Variants in HMCN1 observed in about 807,000 individuals in gnomAD.
HMCN1 encodes hemicentin-1.
HMCN1 carries 321 observed loss-of-function variants against 625.9 expected under a neutral mutation model. That is an observed-to-expected ratio of 0.51 (90% CI 0.47 to 0.56). HMCN1 has a LOEUF of 0.56. HMCN1 is among the 20% of genes least tolerant of loss of function. The pLI, the probability that HMCN1 is intolerant of heterozygous loss-of-function variation, is 0.00. For missense variants in HMCN1, 6,588 were observed against 6,887.3 expected (o/e 0.96, Z 1.54); for synonymous variants, 2,425 against 2,417.6 (o/e 1.00, Z -0.09).
chr1:185,977,640 AAG>A, intron 15 of HMCN1, 145 bp from the exon 16 acceptor site: 1 of 651,506 alleles, frequency 1.5e-6, no homozygotes, highest in Non-Finnish European at 2.7e-6. Flanking sequence ...GTTTTTACCT[AAG>A]AGAGGAATAT....
intron 1 of HMCN1, among the ~76,000 whole-genome samples, chr1:185,753,102 AT>A (rs1557942430): frequency 6.6e-6 from 1 of 152,084 alleles, no homozygotes; most frequent in African/African-American, 2.4e-5. Flanking sequence ...CATAAATAGT[AT>A]TTGATATAAT....
At chr1:186,148,335 A>G (rs1325844012) in intron 93 of HMCN1, among the ~76,000 whole-genome samples, 1 of 152,162 alleles carries the variant, frequency 6.6e-6, no homozygotes, top group African/African-American at 2.4e-5. Context: ...AAAGTCATCT[A>G]TGATGGGGGG....
intron 67 of HMCN1, 68 bp from the exon 68 acceptor site, chr1:186,095,175 G>GT (rs1429557602): frequency 6.9e-7 from 1 of 1,449,174 alleles, no homozygotes; most frequent in Non-Finnish European, 9.7e-7. Context: ...TTATTCAAAT[G>GT]TTTTAATTTA....
At chr1:186,186,992 T>TCACACACACACACACA (rs200279097) in intron 105 of HMCN1, among the ~76,000 whole-genome samples, 15 of 95,426 alleles carry the variant, frequency 1.6e-4, no homozygotes, top group African/African-American at 6.2e-4. Context: ...TCTGTCTCTG[T>TCACACACACACACACA]CTCACACACA....
chr1:185,769,888 A>C (rs1222360943), intron 1 of HMCN1, among the ~76,000 whole-genome samples: 1 of 152,140 alleles, frequency 6.6e-6, no homozygotes, highest in African/African-American at 2.4e-5. Flanking sequence ...GGGTTCTAAG[A>C]GAGCAAGGGA....
At position 186,093,680 on chromosome 1, in the gene HMCN1, A is replaced by T. The variant is rs1659969844; in HGVS notation, c.10196+11A>T. On this transcript the variant is annotated intron_variant, in intron 66 of 106. Transcript: ENST00000271588. ...AGGACAAGTTATCAGGTCAGCTTTT[A>T]TTGTGTCTGATTTCCTAAACAGATG... 6.2e-7 allele frequency: 1 copy of T among 1,612,866 alleles called. No individual in the cohort carries two copies. The highest frequency in any genetic ancestry group is 1.3e-5 in the African/African-American group (1 of 74,858).
At chr1:185,950,635 T>G (rs1432577994) in intron 11 of HMCN1, among the ~76,000 whole-genome samples, 1 of 151,574 alleles carries the variant, frequency 6.6e-6, no homozygotes, top group Non-Finnish European at 1.5e-5. Flanking sequence ...TGGGCTTGAG[T>G]GAAGTAATGG....
At chr1:185,992,291 G>A (rs1652481175) in intron 22 of HMCN1, among the ~76,000 whole-genome samples, 1 of 152,096 alleles carries the variant, frequency 6.6e-6, no homozygotes, top group African/African-American at 2.4e-5. Flanking sequence ...GTATTAATCT[G>A]TTCTTTTTCA....
chr1:186,060,288 A>G (rs992153855), intron 46 of HMCN1, among the ~76,000 whole-genome samples: 2 of 152,122 alleles, frequency 1.3e-5, no homozygotes, highest in African/African-American at 4.8e-5. Context: ...TGAAAATTTC[A>G]TGTTAACCAT....
chr1:186,026,269 G>A (rs1363501706), intron 36 of HMCN1, among the ~76,000 whole-genome samples: 1 of 152,156 alleles, frequency 6.6e-6, no homozygotes, highest in African/African-American at 2.4e-5. Context: ...AAGTTAATGT[G>A]GAAAACTATA....
chr1:186,022,080 G>A (rs1558151077), intron 35 of HMCN1, among the ~76,000 whole-genome samples: 3 of 152,138 alleles, frequency 2.0e-5, no homozygotes, highest in African/African-American at 2.4e-5. Context: ...GAAAATATAT[G>A]AGCTTAATTT....
intron 63 of HMCN1, among the ~76,000 whole-genome samples, chr1:186,090,435 G>A (rs6663986): frequency 0.015 from 2,326 of 151,992 alleles, 52 homozygotes; most frequent in African/African-American, 0.053. Context: ...TTACCTATGT[G>A]CTTGTGGTTC....
intron 4 of HMCN1, among the ~76,000 whole-genome samples, chr1:185,887,932 A>G (rs1289636434): frequency 6.3e-4 from 90 of 143,908 alleles, no homozygotes; most frequent in Admixed American, 6.0e-3. Flanking sequence ...CAACAGTGTA[A>G]AAGTGTTCCT....
At chr1:185,801,628 C>A (rs1287972746) in intron 1 of HMCN1, among the ~76,000 whole-genome samples, 3 of 152,064 alleles carry the variant, frequency 2.0e-5, no homozygotes, top group Non-Finnish European at 2.9e-5. Context: ...ATGATTCAGG[C>A]AAGAATTTCC....
At chr1:185,911,156 G>A (rs918257655) in intron 5 of HMCN1, among the ~76,000 whole-genome samples, 1 of 152,126 alleles carries the variant, frequency 6.6e-6, no homozygotes, top group African/African-American at 2.4e-5. Context: ...TCTCATGTTA[G>A]TAATACTTTG....
At position 185,993,194 on chromosome 1, in the gene HMCN1, C is replaced by T; in HGVS notation, c.3390C>T (p.Leu1130=). 6.2e-7 allele frequency: 1 copy of T among 1,612,454 alleles called. No homozygotes were observed. The highest frequency in any genetic ancestry group is 8.5e-7 in the Non-Finnish European group (1 of 1,178,674). ...TTCTTTCTTTTAGACACACATTCCTCCCTTCTGGTTCAATGAAGATCACTG... is the reference window on the plus strand; with the variant it reads ...TTCTTTCTTTTAGACACACATTCCTTCCTTCTGGTTCAATGAAGATCACTG... ...ISPFSPRHTF[L]PSGSMKITET... is the part of the protein sequence containing the mutation. The change falls in exon 23 of 107, where the codon CTC becomes CTT. Residue 1130 remains leucine (L), a synonymous_variant. Transcript: ENST00000271588.
chr1:186,038,779 T>C, intron 37 of HMCN1, 50 bp from the exon 38 acceptor site: 1 of 1,121,128 alleles, frequency 8.9e-7, no homozygotes, highest in Non-Finnish European at 1.4e-6. Flanking sequence ...CTTAGTATAT[T>C]TAATTTAAAA....
chr1:185,757,184 G>A (rs895000727), intron 1 of HMCN1, among the ~76,000 whole-genome samples: 1 of 152,068 alleles, frequency 6.6e-6, no homozygotes, highest in East Asian at 1.9e-4. Flanking sequence ...TGTTGACCAC[G>A]CTGGTCTTGA....
chr1:186,031,596 TTC>T (rs1655443647), intron 36 of HMCN1, among the ~76,000 whole-genome samples: 1 of 152,086 alleles, frequency 6.6e-6, no homozygotes, highest in Non-Finnish European at 1.5e-5. Context: ...TTTTAAGGCA[TTC>T]TTTCTGTACC....
Sources: gnomAD v4.1 joint callset for allele counts (sites outside exome capture counted in the v4.1 genomes callset) on GRCh38, gnomAD v4.1.1 for gene constraint, MANE v1.5 for transcripts, NCBI Gene and HGNC (gene_info 2026-07-23, HGNC 2026-07-21) for gene names.